The following MCM3AP variants were observed in gnomAD, a reference collection of about 807,000 sequenced individuals.
MCM3AP encodes minichromosome maintenance complex component 3 associated protein.
In MCM3AP, 126 loss-of-function variants were observed where a neutral mutation model predicts 184.1. The ratio of observed to expected loss-of-function variants is 0.68; its 90% CI spans 0.59 to 0.79. The LOEUF (loss-of-function observed/expected upper bound fraction) is 0.79, where lower values mean the gene tolerates loss of function less well. Among genes scored for constraint, MCM3AP ranks in the 30% least tolerant of loss-of-function variants. MCM3AP has a pLI of 0.00. For missense variants in MCM3AP, 2,496 were observed against 2,479.2 expected (o/e 1.01, Z -0.14); for synonymous variants, 1,002 against 979.3 (o/e 1.02, Z -0.43).
chr21:46,242,840 C>A lies in MCM3AP; in HGVS notation c.5388G>T (p.Arg1796Ser). 2 of 1,613,554 alleles carry A rather than the reference C, an allele frequency of 1.2e-6. No individual in the cohort carries two copies. The highest frequency in any genetic ancestry group is 1.7e-6 in the Non-Finnish European group (2 of 1,179,708). Residue 1796 changes from arginine (R) to serine (S), a missense_variant, in exon 25 of 28, where the codon AGG becomes AGT. By Grantham distance (110) the Arg-to-Ser change is moderately radical (BLOSUM62 -1). Coordinates refer to ENST00000291688, the MANE Select transcript of MCM3AP (RefSeq NM_003906.5). Reference sequence around the variant, plus strand: ...GCTGTAGCTCCTTCTGCGTCTGCAACCTGGCTTGTTCCCACGACAAAGGAA... The same window carrying A: ...GCTGTAGCTCCTTCTGCGTCTGCAAACTGGCTTGTTCCCACGACAAAGGAA... Reference protein sequence around the residue: ...YDVPLSWEQARLQTQKELQLR... With the variant: ...YDVPLSWEQASLQTQKELQLR...
chr21:46,282,205 T>C (rs578083307), intron 2 of MCM3AP, among the ~76,000 whole-genome samples: 1 of 152,262 alleles, frequency 6.6e-6, no homozygotes, highest in Non-Finnish European at 1.5e-5. Context: ...AGGATTACCA[T>C]ATGACCCAGC....
chr21:46,242,914 C>A lies in MCM3AP; in HGVS notation c.5314G>T (p.Gly1772Cys). Residue 1772 changes from glycine to cysteine, a missense_variant, in exon 25 of 28, where the codon GGT (glycine) becomes TGT (cysteine). Transcript: ENST00000291688. ...PVTSEALSED[G>C]QICVYFFKND... The stretch of plus-strand genomic sequence containing the variant: ...TTAAAAAAATACACACATATCTGAC[C>A]ATCTTCACTCAGCGCCTCTGAGAAA... 1 of 1,608,104 alleles carries A rather than the reference C, an allele frequency of 6.2e-7. No individual in the cohort carries two copies.
At chr21:46,279,834 AG>A (rs2081306734) in intron 4 of MCM3AP, among the ~76,000 whole-genome samples, 158 bp downstream of exon 4, 1 of 151,414 alleles carries the variant, frequency 6.6e-6, no homozygotes, top group East Asian at 1.9e-4. Context: ...TGCTGGCAGG[AG>A]GGGCAGAGCC....
chr21:46,255,067 G>A (rs1950294554), intron 17 of MCM3AP, among the ~76,000 whole-genome samples: 1 of 152,228 alleles, frequency 6.6e-6, no homozygotes, highest in South Asian at 2.1e-4. Flanking sequence ...TGAGAACATA[G>A]GCTCTAATGG....
At chr21:46,256,711 C>G in intron 17 of MCM3AP, 78 bp downstream of exon 17, 1 of 1,483,498 alleles carries the variant, frequency 6.7e-7, no homozygotes, top group Non-Finnish European at 9.0e-7. Flanking sequence ...CCTCCAAACA[C>G]ACACATTAAT....
At chr21:46,279,901 C>G in intron 4 of MCM3AP, 92 bp downstream of exon 4, 1 of 1,324,274 alleles carries the variant, frequency 7.6e-7, no homozygotes, top group Non-Finnish European at 1.0e-6. Context: ...CCTCACCACT[C>G]CCCACAGTCT....
In MCM3AP at chr21:46,272,735, T is replaced by A. The variant is rs190367036; in HGVS notation, c.2291A>T (p.Glu764Val). The change falls in exon 8 of 28, where the codon GAG (glutamate) becomes GTG (valine). Residue 764 changes from glutamate (E) to valine (V), a missense_variant. Around this residue, in one of 5 missense-constraint regions of MCM3AP, gnomAD observed 105 missense variants for 97.1 expected, o/e 1.08. Coordinates refer to ENST00000291688, the MANE Select transcript of MCM3AP (RefSeq NM_003906.5). Reference protein sequence around the residue: ...FHIHCAHFMCEEPMSSFDAKI... With the variant: ...FHIHCAHFMCVEPMSSFDAKI... ...GGCATCAAAGGAGGACATGGGCTCC[T>A]CACACATGAAGTGGGCACAGTGGAT... The A allele has an allele frequency of 1.2e-6, 2 of 1,614,162 alleles. No homozygotes were observed. Among genetic ancestry groups the A allele is most frequent in the Non-Finnish European group, 1.7e-6 (2 of 1,180,014 alleles).
chr21:46,283,808 C>T lies in MCM3AP; in HGVS notation c.1250G>A (p.Ser417Asn), dbSNP rs746689623. The T allele has an allele frequency of 1.2e-6, 2 of 1,613,708 alleles. No homozygotes were observed. The highest frequency in any genetic ancestry group is 1.7e-5 in the Admixed American group (1 of 60,010). ...ACTGTCTGTGCTCTCGCTTCTGTTA[C>T]TCTGACGCGCCGGAGTTCCTCTTAG... ...DSLRGTPARQ[S>N]NRSESTDSLG... Residue 417 changes from serine to asparagine, a missense_variant, in exon 2 of 28, where the codon AGT (serine) becomes AAT (asparagine). Physicochemically the swap from Ser to Asn is conservative, Grantham distance 46. Around this residue, in one of 5 missense-constraint regions of MCM3AP, gnomAD observed 800 missense variants for 717.1 expected, o/e 1.12. Coordinates refer to ENST00000291688, the MANE Select transcript of MCM3AP (RefSeq NM_003906.5).
At chr21:46,236,782 C>CA in intron 27 of MCM3AP, 47 bp downstream of exon 27, 3 of 1,327,798 alleles carry the variant, frequency 2.3e-6, no homozygotes, top group Non-Finnish European at 3.1e-6. Context: ...GCCATTCTCT[C>CA]AATCTTTAAT....
intron 19 of MCM3AP, chr21:46,253,068 G>A (rs983823445): frequency 2.0e-5 from 3 of 152,240 alleles, no homozygotes; most frequent in African/African-American, 7.2e-5. Flanking sequence ...GAGCCCAGGA[G>A]GTCAAGGCTG....
At chr21:46,270,255 C>A (rs1430657234) in intron 9 of MCM3AP, 146 bp downstream of exon 9, 3 of 723,360 alleles carry the variant, frequency 4.1e-6, no homozygotes, top group Non-Finnish European at 6.9e-6. Context: ...CAGGGCAACA[C>A]CGGTAACCCC....
Position 46,246,388 on chromosome 21 carries a change from G to A in MCM3AP, c.4566C>T (p.Asp1522=). 1.9e-6 allele frequency: 3 copies of A among 1,609,060 alleles called. No homozygotes were observed. The highest frequency in any genetic ancestry group is 2.6e-6 in the Non-Finnish European group (3 of 1,175,406). The change falls in exon 22 of 28, where the codon GAC becomes GAT. Residue 1522 remains aspartate (D), a synonymous_variant. Transcript: ENST00000291688. ...CTGAAATCAGCTTAGCTGAAACCAA[G>A]TCCTGTAGCATCAGACCTTTAAGAC... ...KEVEDGLMLQ[D]LVSAKLISDY...
intron 19 of MCM3AP, chr21:46,252,382 A>T (rs919175937): frequency 6.6e-6 from 1 of 152,214 alleles, no homozygotes; most frequent in South Asian, 2.1e-4. Flanking sequence ...AAATGAGAAG[A>T]CAGCTATTTT....
intron 16 of MCM3AP, among the ~76,000 whole-genome samples, chr21:46,257,993 A>T (rs1359570227): frequency 6.6e-6 from 1 of 151,524 alleles, no homozygotes; most frequent in Non-Finnish European, 1.5e-5. Flanking sequence ...TTTATGGTAC[A>T]TTATCGCACT....
At position 46,272,931 on chromosome 21, in the gene MCM3AP, A is replaced by G. The variant is rs2081200378; in HGVS notation, c.2197-102T>C. 13 of 1,160,700 alleles carry G rather than the reference A, an allele frequency of 1.1e-5. No individual in the cohort carries two copies. The South Asian group carries it at 1.9e-4, about 17-fold the overall frequency. 71.9% of individuals were successfully genotyped at this position (1,160,700 alleles called of 1,614,324 possible). On this transcript the variant is annotated intron_variant, in intron 7 of 27. Transcript: ENST00000291688. Reference sequence around the variant, plus strand: ...CCTCAATTTCTCACTTTTCAATTTGAAACAAAGCCCATGATGCACATTTTA... The same window carrying G: ...CCTCAATTTCTCACTTTTCAATTTGGAACAAAGCCCATGATGCACATTTTA...
rs775028376 is a variant in MCM3AP, at chr21:46,275,308, C to T, written c.1876G>A (p.Asp626Asn). The T allele has an allele frequency of 1.2e-6, 2 of 1,613,212 alleles. No homozygotes were observed. The highest frequency in any genetic ancestry group is 1.7e-6 in the Non-Finnish European group (2 of 1,179,708). Residue 626 changes from aspartate to asparagine, a missense_variant, in exon 6 of 28, where the codon GAT becomes AAT. By Grantham distance (23) the Asp-to-Asn change is conservative (BLOSUM62 1). Coordinates refer to ENST00000291688, the MANE Select transcript of MCM3AP (RefSeq NM_003906.5). ...IMRQARVKRTDLDKARTFVGT... is the reference protein window; with the variant it reads ...IMRQARVKRTNLDKARTFVGT... ...ACAAAAGTCCTCGCTTTGTCCAGAT[C>T]GGTTCTCTTCACCCGAGCTAAATGA...
intron 8 of MCM3AP, among the ~76,000 whole-genome samples, chr21:46,271,887 A>T (rs1359551411): frequency 6.6e-6 from 1 of 151,934 alleles, no homozygotes; most frequent in Non-Finnish European, 1.5e-5. Flanking sequence ...AAAAAATTAA[A>T]ATCAACCACA....
intron 20 of MCM3AP, chr21:46,247,145 G>A (rs2080786968): frequency 2.3e-6 from 1 of 432,428 alleles, no homozygotes; most frequent in Non-Finnish European, 4.2e-6. Context: ...TTGAGAAGGG[G>A]GTCTTATTAT....
chr21:46,254,243 G>T, intron 19 of MCM3AP, 149 bp downstream of exon 19: 1 of 814,080 alleles, frequency 1.2e-6, no homozygotes, highest in Non-Finnish European at 1.9e-6. Flanking sequence ...AAAATCATGA[G>T]CAAAACAGAC....
Sources: gnomAD v4.1 joint callset for allele counts (sites outside exome capture counted in the v4.1 genomes callset) on GRCh38, gnomAD v4.1.1 for gene constraint, gnomAD v4.1.1 regional missense constraint, MANE v1.5 for transcripts, NCBI Gene and HGNC (gene_info 2026-07-23, HGNC 2026-07-21) for gene names.